Variants in ERI2 observed in about 807,000 individuals in gnomAD.
The protein encoded by ERI2 is ERI1 exoribonuclease 2.
ERI2 carries 35 observed loss-of-function variants against 46.8 expected under a neutral mutation model. The observed-to-expected ratio is 0.75, with a 90% confidence interval of 0.57 to 0.99. The LOEUF (loss-of-function observed/expected upper bound fraction) is 0.99, where lower values mean the gene tolerates loss of function less well. ERI2 is among the 50% of genes least tolerant of loss of function. The pLI is 0.00. For synonymous variants in ERI2, 224 were observed against 271.0 expected, an observed-to-expected ratio of 0.83 and a Z score of 1.70; for missense variants, 695 against 796.2, an observed-to-expected ratio of 0.87 and a Z score of 1.53.
In ERI2 at chr16:20,802,791, C is replaced by T. The variant is rs1471048557; in HGVS notation, c.303+5G>A. ...GACTTCTGAATTTTAAGATTTGCAT[C>T]ATACCTGCTTTATGCCTGTCAATTC... On this transcript the variant is annotated splice_donor_5th_base_variant and intron_variant, in intron 4 of 8. Transcript: ENST00000357967. The T allele has an allele frequency of 3.2e-6, 5 of 1,585,522 alleles. No individual in the cohort carries two copies. Among genetic ancestry groups the T allele is most frequent in the South Asian group, 1.1e-5 (1 of 87,874 alleles).
At chr16:20,802,764 C>T (rs774696532) in intron 4 of ERI2, 32 bp downstream of exon 4, 2 of 1,574,618 alleles carry the variant, frequency 1.3e-6, no homozygotes, top group East Asian at 4.5e-5. Flanking sequence ...CTTTTTGAAA[C>T]TGACTTCTGA....
At chr16:20,786,138 TCTC>T in intron 10 of ERI2, 7 of 1,609,802 alleles carry the variant, frequency 4.3e-6, no homozygotes, top group Non-Finnish European at 5.9e-6. Context: ...GGGAAAACCT[TCTC>T]CTGCTTTCGA....
rs1473918039 is a variant in ERI2, at chr16:20,790,915, A to G, written c.750T>C (p.Pro250=). The G allele has an allele frequency of 1.9e-6, 3 of 1,614,068 alleles. No individual in the cohort carries two copies. ...CCAGATCACTGTTCCAGGTCCACGA[A>G]GGCAAGAGGAAGGGACCCTAGAAAG... The change falls in exon 9 of 11, where the codon CCT becomes CCC. Residue 250 remains proline (P), a synonymous_variant. Coordinates refer to the ERI2 transcript ENST00000300005. This position sits in a 1 kb window ranked among gnomAD's most constrained non-coding sequence, Gnocchi z 4.0.
intron 1 of ERI2, chr16:20,805,758 C>T: frequency 5.3e-6 from 1 of 189,810 alleles, no homozygotes; most frequent in Non-Finnish European, 1.0e-5. Context: ...CCTTTGTTCT[C>T]CTCTGCCTTT....
intron 1 of ERI2, among the ~76,000 whole-genome samples, chr16:20,803,954 G>A (rs1367026308): frequency 1.3e-5 from 2 of 152,064 alleles, no homozygotes; most frequent in Admixed American, 6.6e-5. Context: ...CTGGGCTCAA[G>A]CAATCCTCCC....
At chr16:20,794,140 G>A (rs542606812), downstream of ERI2, among the ~76,000 whole-genome samples, 102 of 152,296 alleles carry the variant, frequency 6.7e-4, no homozygotes, top group African/African-American at 2.4e-3. Flanking sequence ...CTCCCTTTCT[G>A]CTGCCAGGCC....
At position 20,797,690 on chromosome 16, in the gene ERI2, C is replaced by A; in HGVS notation, c.*34G>T. On this transcript the variant is annotated 3_prime_UTR_variant, in exon 9 of 9. Transcript: ENST00000357967. Reference sequence around the variant, plus strand: ...ATCAGAATACTCATGTTTGGAAATTCAAGGAACAATTAGGATTCATACATG... The same window carrying A: ...ATCAGAATACTCATGTTTGGAAATTAAAGGAACAATTAGGATTCATACATG... The A allele has an allele frequency of 1.3e-6, 2 of 1,481,666 alleles. No homozygotes were observed. The highest frequency in any genetic ancestry group is 1.8e-6 in the Non-Finnish European group (2 of 1,118,444). 91.8% of individuals were successfully genotyped at this position (1,481,666 alleles called of 1,614,324 possible). A position where few individuals can be genotyped will look rare whatever the true frequency, so the allele number is the denominator to read the frequency against.
At chr16:20,801,401 C>T in intron 4 of ERI2, 42 bp from the exon 5 acceptor site, 1 of 1,533,254 alleles carries the variant, frequency 6.5e-7, no homozygotes, top group Non-Finnish European at 8.8e-7. Flanking sequence ...CAATCAAATT[C>T]CATTATTATT....
chr16:20,795,807 G>T (rs1008960420), downstream of ERI2, among the ~76,000 whole-genome samples: 1 of 152,230 alleles, frequency 6.6e-6, no homozygotes, highest in African/African-American at 2.4e-5. Flanking sequence ...TTTAAAGGGG[G>T]CTATGAGGGA....
At chr16:20,785,794 T>C (rs921769879) in intron 10 of ERI2, among the ~76,000 whole-genome samples, 1 of 152,076 alleles carries the variant, frequency 6.6e-6, no homozygotes, top group African/African-American at 2.4e-5. Context: ...AATTGAAAAA[T>C]TCATTAACTA....
downstream of ERI2, chr16:20,792,176 C>T: frequency 6.2e-7 from 1 of 1,613,974 alleles, no homozygotes; most frequent in Non-Finnish European, 8.5e-7. Context: ...AACTGATCAT[C>T]AGTGTTCTAG....
At chr16:20,806,032 G>T (rs2080864355) in intron 1 of ERI2, 1 of 1,169,588 alleles carries the variant, frequency 8.6e-7, no homozygotes, top group Non-Finnish European at 1.1e-6. Context: ...CGAGCATTTC[G>T]AACAGGTTGA....
At position 20,806,422 on chromosome 16, in the gene ERI2, G is replaced by A. The variant is rs867551894; in HGVS notation, c.9C>T (p.Thr3=). 1.4e-5 allele frequency: 21 copies of A among 1,553,226 alleles called. No homozygotes were observed. In the Middle Eastern group the frequency reaches 6.7e-4, roughly 49 times the overall value. Residue 3 remains threonine, a synonymous_variant, in exon 1 of 9, where the codon ACC becomes ACT. Transcript: ENST00000357967. ...CCCTCGAGTACCGCGCGAGCCGCTT[G>A]GTCGCCATTCCCGACACTCCTTGCT... The part of the protein sequence containing the change: MA[T]KRLARQLGLI...
intron 10 of ERI2, among the ~76,000 whole-genome samples, chr16:20,784,274 C>T (rs964420108): frequency 5.9e-5 from 9 of 152,250 alleles, no homozygotes; most frequent in Admixed American, 2.0e-4. Context: ...AATTCAATTC[C>T]TCAGTTATAC....
At chr16:20,803,330 G>T in intron 3 of ERI2, 103 bp downstream of exon 3, 1 of 1,320,984 alleles carries the variant, frequency 7.6e-7, no homozygotes, top group Non-Finnish European at 1.0e-6. Context: ...AACTACCAAT[G>T]CATAGACCAT....
At chr16:20,791,499 G>A (rs993605557), downstream of ERI2, among the ~76,000 whole-genome samples, 1 of 152,164 alleles carries the variant, frequency 6.6e-6, no homozygotes, top group East Asian at 1.9e-4. Context: ...ACTAATCTTT[G>A]TAACTGTAGT....
At chr16:20,803,749 A>T in intron 1 of ERI2, 79 bp from the exon 2 acceptor site, 1 of 1,490,218 alleles carries the variant, frequency 6.7e-7, no homozygotes, top group Non-Finnish European at 9.2e-7. Context: ...AACTAATGGT[A>T]CTGGGCAACA....
chr16:20,796,597 C>A lies in ERI2; in HGVS notation c.*1127G>T. 6.4e-7 allele frequency: 1 copy of A among 1,558,102 alleles called. No individual in the cohort carries two copies. Among genetic ancestry groups the A allele is most frequent in the Non-Finnish European group, 8.6e-7 (1 of 1,161,292 alleles). On this transcript the variant is annotated 3_prime_UTR_variant, in exon 9 of 9. Transcript: ENST00000357967. ...TCTTCACACATGCTGCACCACATGT[C>A]CCAAACTGAACTGATGACATATGGG...
At chr16:20,799,209 A>G in intron 8 of ERI2, 54 bp downstream of exon 8, 1 of 1,595,768 alleles carries the variant, frequency 6.3e-7, no homozygotes, top group Non-Finnish European at 8.6e-7. Flanking sequence ...CAAAGAACGT[A>G]TGACTGTTTA....
Sources: gnomAD v4.1 joint callset for allele counts (sites outside exome capture counted in the v4.1 genomes callset) on GRCh38, gnomAD v4.1.1 for gene constraint, Gnocchi (gnomAD v3.1) non-coding constraint, MANE v1.5 for transcripts, NCBI Gene and HGNC (gene_info 2026-07-23, HGNC 2026-07-21) for gene names.